Variants in GLT8D2 observed in about 807,000 individuals in gnomAD.
GLT8D2 encodes glycosyltransferase 8 domain containing 2.
In GLT8D2, 45 loss-of-function variants were observed where a neutral mutation model predicts 44.5. That is an observed-to-expected ratio of 1.01 (90% CI 0.80 to 1.30). The LOEUF (loss-of-function observed/expected upper bound fraction) is 1.30. Among genes scored for constraint, GLT8D2 ranks in the 50% most tolerant of loss-of-function variants. The pLI is 0.00. For missense variants in GLT8D2, 400 were observed against 430.4 expected (o/e 0.93, Z 0.62); for synonymous variants, 156 against 157.2 (o/e 0.99, Z 0.06).
chr12:104,045,769 C>G (rs555736464), intron 1 of GLT8D2, among the ~76,000 whole-genome samples: 3 of 151,838 alleles, frequency 2.0e-5, no homozygotes, highest in African/African-American at 4.8e-5. Flanking sequence ...AAAATCAGTG[C>G]CCCTGTGTTT....
At chr12:103,995,715 T>A (rs191905914) in intron 8 of GLT8D2, among the ~76,000 whole-genome samples, 3 of 152,350 alleles carry the variant, frequency 2.0e-5, no homozygotes, top group Admixed American at 1.3e-4. Flanking sequence ...CATTGTTGAA[T>A]GAATGTTGTA....
chr12:104,030,768 A>G, intron 1 of GLT8D2: 1 of 1,612,138 alleles, frequency 6.2e-7, no homozygotes, highest in South Asian at 1.1e-5. Context: ...CCGCATCCCC[A>G]GCCCGCCGCC....
intron 8 of GLT8D2, 121 bp downstream of exon 8, chr12:103,996,614 A>G (rs2136278527): frequency 2.9e-6 from 2 of 681,918 alleles, no homozygotes; most frequent in Non-Finnish European, 5.2e-6. Context: ...ACCTCCCTGC[A>G]GTCCAGACTG....
At chr12:104,027,552 T>C (rs1878729633) in intron 1 of GLT8D2, among the ~76,000 whole-genome samples, 1 of 152,242 alleles carries the variant, frequency 6.6e-6, no homozygotes, top group Non-Finnish European at 1.5e-5. Context: ...TCTTTACAAA[T>C]AAATTTGCTG....
upstream of GLT8D2, among the ~76,000 whole-genome samples, chr12:104,053,870 C>A (rs191471008): frequency 7.0e-5 from 10 of 143,434 alleles, no homozygotes; most frequent in African/African-American, 2.5e-4. Context: ...GGCAACAGAG[C>A]AAGACTCCGT....
At chr12:104,021,108 T>C (rs1028682807) in intron 2 of GLT8D2, among the ~76,000 whole-genome samples, 2 of 152,188 alleles carry the variant, frequency 1.3e-5, no homozygotes, top group African/African-American at 4.8e-5. Flanking sequence ...TGTTTTACCT[T>C]CAAATTCATG....
At chr12:104,051,152 G>T, upstream of GLT8D2, among the ~76,000 whole-genome samples, 1 of 150,510 alleles carries the variant, frequency 6.6e-6, no homozygotes, top group Non-Finnish European at 1.5e-5. Context: ...ACAGGGTCTT[G>T]CTCTGTTACT....
rs79347447 is a variant in GLT8D2 at position 104,059,028 on chromosome 12, C to T, written c.-423+4921G>A. Among the ~76,000 whole-genome samples the T allele has an allele frequency of 1.8e-3, 274 of 152,286 alleles. 1 individual carries two copies. In the East Asian group the frequency reaches 0.02, roughly 11 times the overall value. On this transcript the variant is annotated intron_variant, in intron 1 of 10. Transcript: ENST00000548660. Reference sequence around the variant, plus strand: ...TCCCAGGCAGGTAAGAGCGGGACAGCGCAAGACTTCATCATGTGACTCAGG... The same window carrying T: ...TCCCAGGCAGGTAAGAGCGGGACAGTGCAAGACTTCATCATGTGACTCAGG...
At chr12:103,998,407 T>TA (rs1182058993) in intron 6 of GLT8D2, among the ~76,000 whole-genome samples, 58 of 151,154 alleles carry the variant, frequency 3.8e-4, no homozygotes, top group Middle Eastern at 6.8e-3. Flanking sequence ...CCTAGCTAAT[T>TA]AAAAAAAAAT....
chr12:104,051,115 A>G (rs1593576506), upstream of GLT8D2, among the ~76,000 whole-genome samples: 1 of 142,242 alleles, frequency 7.0e-6, no homozygotes, highest in East Asian at 2.2e-4. Context: ...CATCCGGCCA[A>G]TTTTACTTTT....
In GLT8D2 at chr12:103,997,490, C is replaced by A; in HGVS notation, c.448G>T (p.Glu150Ter). The A allele has an allele frequency of 6.2e-7, 1 of 1,613,652 alleles. No homozygotes were observed. The highest frequency in any genetic ancestry group is 8.5e-7 in the Non-Finnish European group (1 of 1,179,790). ...FYLPLLIHQH[E>*]KVIYLDDDVI... is the part of the protein sequence containing the mutation. ...TCATCGTCCAAATAGATGACTTTCT[C>A]GTGTTGGTGGATAAGTAGAGGGAGA... The change falls in exon 7 of 11, where the codon GAG (glutamate) becomes TAG (stop). Residue 150 changes from glutamate (E) to a stop codon, truncating the protein, a stop_gained. Transcript: ENST00000360814. LOFTEE classifies it high-confidence loss of function.
At chr12:104,038,128 A>G (rs1880114006) in intron 1 of GLT8D2, among the ~76,000 whole-genome samples, 1 of 152,254 alleles carries the variant, frequency 6.6e-6, no homozygotes, top group South Asian at 2.1e-4. Flanking sequence ...TAAACTAGGT[A>G]CTGATGGAAC....
chr12:104,060,005 C>T (rs1882491394), intron 1 of GLT8D2, among the ~76,000 whole-genome samples: 1 of 152,266 alleles, frequency 6.6e-6, no homozygotes, highest in Non-Finnish European at 1.5e-5. Context: ...TGGCTTCTTT[C>T]CCTCCCACTC....
upstream of GLT8D2, among the ~76,000 whole-genome samples, chr12:104,050,525 A>G (rs569022220): frequency 5.3e-5 from 8 of 152,310 alleles, no homozygotes; most frequent in East Asian, 1.5e-3. Flanking sequence ...GGCAATAATG[A>G]CAAAAGTTTC....
intron 1 of GLT8D2, among the ~76,000 whole-genome samples, chr12:104,044,267 T>C (rs1880858591): frequency 6.6e-6 from 1 of 152,072 alleles, no homozygotes. Flanking sequence ...ACCCCAACAA[T>C]GCACAAATTG....
intron 1 of GLT8D2, among the ~76,000 whole-genome samples, chr12:104,025,741 A>G (rs1330723931): frequency 6.6e-6 from 1 of 152,208 alleles, no homozygotes; most frequent in Non-Finnish European, 1.5e-5. Context: ...CCATTTGTTG[A>G]GACCATTTGT....
chr12:104,060,447 C>T (rs1273369819), intron 1 of GLT8D2, among the ~76,000 whole-genome samples: 1 of 152,152 alleles, frequency 6.6e-6, no homozygotes, highest in Non-Finnish European at 1.5e-5. Context: ...AACATCTTTC[C>T]CATTGGATTA....
intron 4 of GLT8D2, among the ~76,000 whole-genome samples, chr12:104,004,309 A>G (rs1473314882): frequency 1.3e-5 from 2 of 152,250 alleles, no homozygotes; most frequent in African/African-American, 4.8e-5. Context: ...ATTCCCTTTG[A>G]AAACTGGCAC....
chr12:104,008,275 A>AGGGTGAGGTGGCCTCAGATGT (rs1875347323), intron 4 of GLT8D2, among the ~76,000 whole-genome samples: 1 of 152,216 alleles, frequency 6.6e-6, no homozygotes, highest in Admixed American at 6.5e-5. Context: ...AATAAGGTTC[A>AGGGTGAGGTGGCCTCAGATGT]GGGTGAGGTG....
Sources: allele counts gnomAD v4.1 joint callset (sites outside exome capture counted in the v4.1 genomes callset), GRCh38; gene constraint gnomAD v4.1.1; transcripts MANE v1.5; gene names NCBI Gene and HGNC (gene_info 2026-07-23, HGNC 2026-07-21).